POTEE: variants seen among roughly 807,000 people sequenced by gnomAD.
POTEE encodes the protein POTE ankyrin domain family member E.
Under a neutral mutation model 74.2 loss-of-function variants are expected in POTEE, and 21 were observed. The observed-to-expected ratio is 0.28, with a 90% CI of 0.20 to 0.41. The LOEUF (loss-of-function observed/expected upper bound fraction) is 0.41. Ranked by LOEUF, POTEE falls within the 10% of genes least tolerant of loss-of-function variation. POTEE has a pLI of 1.00. For missense variants in POTEE, 525 were observed against 1,158.6 expected (o/e 0.45, Z 7.94); for synonymous variants, 211 against 432.8 (o/e 0.49, Z 6.36).
intron 8 of POTEE, among the ~76,000 whole-genome samples, chr2:131,229,948 C>T (rs1700897738): frequency 6.6e-6 from 1 of 151,612 alleles, no homozygotes; most frequent in Non-Finnish European, 1.5e-5. Context: ...TCTGTGGAAA[C>T]TAAAAAAAAA....
intron 4 of POTEE, among the ~76,000 whole-genome samples, chr2:131,219,339 T>C (rs1459408394): frequency 6.6e-6 from 1 of 151,588 alleles, no homozygotes; most frequent in Admixed American, 6.6e-5. Flanking sequence ...ATGGATTTTA[T>C]ATCAATGTAC....
intron 4 of POTEE, among the ~76,000 whole-genome samples, chr2:131,220,931 A>C (rs1027863091): frequency 6.8e-6 from 1 of 147,236 alleles, no homozygotes; most frequent in Non-Finnish European, 1.5e-5. Flanking sequence ...ACTACATTCC[A>C]GCCTGGGTGA....
intron 1 of POTEE, among the ~76,000 whole-genome samples, chr2:131,210,176 T>G (rs1482139890): frequency 2.2e-5 from 3 of 135,806 alleles, no homozygotes; most frequent in Non-Finnish European, 3.1e-5. Context: ...TGTTGTCGGG[T>G]GCTGCACTGC....
At position 131,218,702 on chromosome 2, in the gene POTEE, G is replaced by C. The variant is rs752146011; in HGVS notation, c.300G>C (p.Lys100Asn). ...AGACACTCAGGAACAAGATGGGGAA[G>C]TGGTGCTGCCACTGCTTCCCCTGCT... ...AMKTLRNKMGKWCCHCFPCCR... is the reference protein window; with the variant it reads ...AMKTLRNKMGNWCCHCFPCCR... The change falls in exon 4 of 18, where the codon AAG becomes AAC. Residue 100 changes from lysine to asparagine, a missense_variant. Lys to Asn is a moderately conservative substitution (Grantham distance 94, BLOSUM62 0). Transcript: ENST00000683005. 4.4e-6 allele frequency: 6 copies of C among 1,360,988 alleles called. No individual in the cohort carries two copies. The highest frequency in any genetic ancestry group is 4.7e-5 in the Admixed American group (2 of 42,540). 84.3% of individuals were successfully genotyped at this position (1,360,988 alleles called of 1,614,324 possible). A position where few individuals can be genotyped will look rare whatever the true frequency, so the allele number is the denominator to read the frequency against.
intron 2 of POTEE, among the ~76,000 whole-genome samples, chr2:131,214,188 A>G (rs1306244502): frequency 6.6e-6 from 1 of 152,228 alleles, no homozygotes; most frequent in African/African-American, 2.4e-5. Context: ...CAAGAACTTT[A>G]AGCAGACAGG....
intron 6 of POTEE, among the ~76,000 whole-genome samples, chr2:131,225,385 A>G (rs1162167475): frequency 1.2e-5 from 1 of 80,908 alleles, no homozygotes; most frequent in Non-Finnish European, 2.7e-5. Flanking sequence ...CTCTAACAAC[A>G]ACAACAACAA....
At chr2:131,211,600 T>G (rs1700361307) in intron 2 of POTEE, among the ~76,000 whole-genome samples, 1 of 132,968 alleles carries the variant, frequency 7.5e-6, no homozygotes, top group Non-Finnish European at 1.6e-5. Flanking sequence ...TTGCCCAGGC[T>G]GGAGTGCAGT....
At chr2:131,228,471 A>C in intron 8 of POTEE, 90 bp downstream of exon 8, 1 of 1,582,764 alleles carries the variant, frequency 6.3e-7, no homozygotes, top group South Asian at 1.2e-5. Context: ...GTGAGATGTC[A>C]TAGTTTGGTT....
In POTEE at chr2:131,214,730, G is replaced by A. The variant is rs1459572419; in HGVS notation, c.-188-2859G>A. ...AATATCTTCAAAATTTATCCATTTGGTCTAATTTAAGTCAGAGGTTAAGTT... is the reference window on the plus strand; with the variant it reads ...AATATCTTCAAAATTTATCCATTTGATCTAATTTAAGTCAGAGGTTAAGTT... On this transcript the variant is annotated intron_variant, in intron 2 of 17. Coordinates refer to ENST00000683005, the MANE Select transcript of POTEE (RefSeq NM_001083538.3). Among the ~76,000 whole-genome samples the A allele has an allele frequency of 5.2e-5, 8 of 152,408 alleles. No homozygotes were observed. The South Asian group carries it at 1.2e-3, about 24-fold the overall frequency.
intron 9 of POTEE, among the ~76,000 whole-genome samples, chr2:131,233,941 A>T (rs1701045284): frequency 6.6e-6 from 1 of 151,250 alleles, no homozygotes. Flanking sequence ...AGCAGGAATG[A>T]CTAATGTTTT....
intron 6 of POTEE, among the ~76,000 whole-genome samples, chr2:131,226,032 C>A (rs990216312): frequency 7.2e-5 from 11 of 152,226 alleles, no homozygotes; most frequent in African/African-American, 2.6e-4. Flanking sequence ...CATTCAAGTG[C>A]TTAGGTCAGT....
At position 131,217,653 on chromosome 2, in the gene POTEE, A is replaced by G. The variant is rs1700473564; in HGVS notation, c.-124A>G. On this transcript the variant is annotated 5_prime_UTR_variant, in exon 3 of 18. Transcript: ENST00000683005. ...AAGTTTGCCGGAACTCAAGGCTGTC[A>G]GTGACATTCGTGGCGCCAAGACTTA... 6.8e-6 allele frequency among the ~76,000 whole-genome samples: 1 copy of G among 146,670 alleles called. No homozygotes were observed.
At chr2:131,220,192 G>A (rs530749037) in intron 4 of POTEE, among the ~76,000 whole-genome samples, 1 of 151,554 alleles carries the variant, frequency 6.6e-6, no homozygotes, top group Non-Finnish European at 1.5e-5. Context: ...ATTTATATAT[G>A]CAGATATATA....
chr2:131,237,873 T>C, intron 10 of POTEE, among the ~76,000 whole-genome samples: 1 of 152,290 alleles, frequency 6.6e-6, no homozygotes, highest in Non-Finnish European at 1.5e-5. Flanking sequence ...CATAACAAAT[T>C]AAGTTTAGTC....
intron 8 of POTEE, among the ~76,000 whole-genome samples, chr2:131,230,142 CAA>C (rs1198590933): frequency 6.6e-6 from 1 of 152,016 alleles, no homozygotes; most frequent in African/African-American, 2.4e-5. Flanking sequence ...TAATAGTGGA[CAA>C]TCACATTATC....
intron 6 of POTEE, among the ~76,000 whole-genome samples, chr2:131,226,249 C>A: frequency 7.0e-6 from 1 of 142,368 alleles, no homozygotes. Context: ...TTCAGTAGTC[C>A]TATGAACTGA....
At chr2:131,262,804 C>A (rs1202842625) in intron 17 of POTEE, among the ~76,000 whole-genome samples, 5 of 152,270 alleles carry the variant, frequency 3.3e-5, no homozygotes, top group African/African-American at 4.8e-5. Context: ...AAATGTAATT[C>A]TTATAACTGA....
chr2:131,263,234 GTT>G (rs1244220242), intron 17 of POTEE, 119 bp from the exon 18 acceptor site: 2 of 1,276,098 alleles, frequency 1.6e-6, no homozygotes, highest in East Asian at 5.1e-5. Flanking sequence ...TTTTTTTCCA[GTT>G]AAATATCCAC....
chr2:131,230,546 C>T (rs1182790999), intron 8 of POTEE, among the ~76,000 whole-genome samples: 2 of 152,132 alleles, frequency 1.3e-5, no homozygotes, highest in Admixed American at 1.3e-4. Context: ...CATTATGGAG[C>T]TAGGACTTAT....
Sources: gnomAD v4.1 joint callset for allele counts (sites outside exome capture counted in the v4.1 genomes callset) on GRCh38, gnomAD v4.1.1 for gene constraint, MANE v1.5 for transcripts, NCBI Gene and HGNC (gene_info 2026-07-23, HGNC 2026-07-21) for gene names.